Variants in SRRM3 observed in about 807,000 individuals in gnomAD.
SRRM3 encodes serine/arginine repetitive matrix 3, also known as serine/arginine repetitive matrix protein 3.
SRRM3 carries 27 observed loss-of-function variants against 66.2 expected under a neutral mutation model. The ratio of observed to expected loss-of-function variants is 0.41; its 90% confidence interval spans 0.30 to 0.56. The LOEUF (loss-of-function observed/expected upper bound fraction) is 0.56, where lower values mean the gene tolerates loss of function less well. Ranked by LOEUF, SRRM3 falls within the 20% of genes least tolerant of loss-of-function variation. The pLI, the probability that SRRM3 is intolerant of heterozygous loss-of-function variation, is 0.32. For synonymous variants in SRRM3, 391 were observed against 414.9 expected (o/e 0.94, Z 0.70); for missense variants, 918 against 991.9 (o/e 0.93, Z 1.00).
intron 1 of SRRM3, among the ~76,000 whole-genome samples, chr7:76,213,817 T>C (rs1800494553): frequency 6.6e-6 from 1 of 152,090 alleles, no homozygotes; most frequent in Admixed American, 6.6e-5. Context: ...TCACCCAAGC[T>C]GGAATGCAGT....
At chr7:76,209,742 C>A (rs373145534) in intron 1 of SRRM3, among the ~76,000 whole-genome samples, 1 of 151,892 alleles carries the variant, frequency 6.6e-6, no homozygotes, top group African/African-American at 2.4e-5. Flanking sequence ...GTGGCTGGGA[C>A]GACAGGCATG....
chr7:76,218,770 C>A (rs1334729244), intron 1 of SRRM3, among the ~76,000 whole-genome samples: 1 of 150,200 alleles, frequency 6.7e-6, no homozygotes, highest in Non-Finnish European at 1.5e-5. Context: ...CCTCTGCTTC[C>A]CGGGTTCAAG....
intron 3 of SRRM3, among the ~76,000 whole-genome samples, chr7:76,255,047 T>C (rs569566345): frequency 6.6e-6 from 1 of 152,108 alleles, no homozygotes; most frequent in Non-Finnish European, 1.5e-5. Context: ...CGGGACTTGT[T>C]TGGGAATTGA....
chr7:76,267,473 C>T, intron 11 of SRRM3, 38 bp downstream of exon 11: 3 of 1,093,684 alleles, frequency 2.7e-6, no homozygotes, highest in Non-Finnish European at 3.3e-6. Context: ...TCCCGCGCCG[C>T]GGGCTGCGCC....
chr7:76,261,616 T>A, intron 8 of SRRM3, 35 bp downstream of exon 8: 1 of 1,600,652 alleles, frequency 6.2e-7, no homozygotes, highest in South Asian at 1.1e-5. Context: ...TGGTCAGTGG[T>A]CCCTTAAGGA....
chr7:76,244,171 C>G lies in SRRM3; in HGVS notation c.234-4017C>G, dbSNP rs555393259. Among the ~76,000 whole-genome samples, 5 of 152,304 alleles carry G rather than the reference C, an allele frequency of 3.3e-5. No individual in the cohort carries two copies. In the South Asian group the frequency reaches 6.2e-4, roughly 19 times the overall value. Reference sequence around the variant, plus strand: ...CCAGCCCTCCCCACGGTGAGCGACACAGCAGGCTGAACCCACACAGACTCC... The same window carrying G: ...CCAGCCCTCCCCACGGTGAGCGACAGAGCAGGCTGAACCCACACAGACTCC... On this transcript the variant is annotated intron_variant, in intron 2 of 14. Transcript: ENST00000611745.
At chr7:76,205,210 T>C (rs748150772) in intron 1 of SRRM3, among the ~76,000 whole-genome samples, 1 of 151,482 alleles carries the variant, frequency 6.6e-6, no homozygotes, top group Non-Finnish European at 1.5e-5. Flanking sequence ...CTCTCTCTCT[T>C]TTGTTTTGTT....
intron 2 of SRRM3, among the ~76,000 whole-genome samples, chr7:76,240,430 C>G (rs1801256563): frequency 6.6e-6 from 1 of 151,986 alleles, no homozygotes; most frequent in Admixed American, 6.6e-5. Flanking sequence ...GCCATCCTGG[C>G]TAACACGGTG....
At chr7:76,247,450 G>A (rs1801470616) in intron 2 of SRRM3, among the ~76,000 whole-genome samples, 1 of 152,032 alleles carries the variant, frequency 6.6e-6, no homozygotes, top group Admixed American at 6.6e-5. Flanking sequence ...GGCCAGGAAG[G>A]CAGAAAAGGC....
At chr7:76,235,711 C>CA (rs1308479767) in intron 2 of SRRM3, among the ~76,000 whole-genome samples, 20 of 150,850 alleles carry the variant, frequency 1.3e-4, no homozygotes, top group African/African-American at 1.7e-4. Flanking sequence ...ATGAAAAATA[C>CA]AAAAAAAAAT....
intron 5 of SRRM3, among the ~76,000 whole-genome samples, chr7:76,260,534 C>T (rs1407616200): frequency 1.3e-5 from 2 of 148,362 alleles, no homozygotes; most frequent in Non-Finnish European, 3.0e-5. Context: ...GGTCCTCTCC[C>T]CACTAGGCCC....
At chr7:76,206,545 G>A (rs531799932) in intron 1 of SRRM3, among the ~76,000 whole-genome samples, 2 of 152,278 alleles carry the variant, frequency 1.3e-5, no homozygotes, top group East Asian at 3.9e-4. Flanking sequence ...CCTCTTCTGG[G>A]TCATGAGCGC....
intron 2 of SRRM3, among the ~76,000 whole-genome samples, chr7:76,237,002 C>T (rs1583894148): frequency 6.6e-6 from 1 of 152,186 alleles, no homozygotes; most frequent in East Asian, 1.9e-4. Flanking sequence ...GCTGTACCAG[C>T]TCACGTGGCT....
At chr7:76,222,149 C>T (rs1436565179) in intron 1 of SRRM3, among the ~76,000 whole-genome samples, 1 of 152,156 alleles carries the variant, frequency 6.6e-6, no homozygotes, top group African/African-American at 2.4e-5. Context: ...AGCACAGTGG[C>T]TCACACCTGC....
chr7:76,229,309 G>A (rs946561815), intron 1 of SRRM3, among the ~76,000 whole-genome samples: 17 of 152,062 alleles, frequency 1.1e-4, no homozygotes, highest in Admixed American at 1.0e-3. Flanking sequence ...TTTCTTAGTA[G>A]GATTATGTTC....
At chr7:76,203,009 A>G (rs77394425) in intron 1 of SRRM3, among the ~76,000 whole-genome samples, 5,473 of 152,222 alleles carry the variant, frequency 0.036, 231 homozygotes, top group East Asian at 0.15. Context: ...CGGGGGCTTG[A>G]GCTGGTCTTT....
At chr7:76,218,077 C>A (rs938418850) in intron 1 of SRRM3, among the ~76,000 whole-genome samples, 4 of 152,190 alleles carry the variant, frequency 2.6e-5, no homozygotes, top group Admixed American at 6.5e-5. Flanking sequence ...CAACTTCTAG[C>A]CCATCGTGCC....
At chr7:76,246,034 A>T (rs1213445557) in intron 2 of SRRM3, among the ~76,000 whole-genome samples, 3 of 152,010 alleles carry the variant, frequency 2.0e-5, no homozygotes, top group African/African-American at 7.2e-5. Context: ...GTATCCATTA[A>T]TCATCCCTAC....
At chr7:76,233,449 G>A (rs1484875698) in intron 1 of SRRM3, among the ~76,000 whole-genome samples, 2 of 152,206 alleles carry the variant, frequency 1.3e-5, no homozygotes, top group African/African-American at 2.4e-5. Flanking sequence ...GGTCACCCAT[G>A]AGCCAAGCAC....
Sources: allele counts gnomAD v4.1 joint callset (sites outside exome capture counted in the v4.1 genomes callset), GRCh38; gene constraint gnomAD v4.1.1; transcripts MANE v1.5; gene names NCBI Gene and HGNC (gene_info 2026-07-23, HGNC 2026-07-21).